Variants in IRAK1BP1 observed in about 807,000 individuals in gnomAD.
IRAK1BP1 encodes the protein interleukin 1 receptor associated kinase 1 binding protein 1.
A neutral mutation model predicts 28.0 loss-of-function variants in IRAK1BP1; 24 were observed. The observed-to-expected ratio is 0.86, with a 90% confidence interval of 0.62 to 1.20. The LOEUF (loss-of-function observed/expected upper bound fraction) is 1.20. IRAK1BP1 is among the 50% of genes most tolerant of loss of function. The pLI is 0.00. For missense variants in IRAK1BP1, 336 were observed against 316.7 expected, an observed-to-expected ratio of 1.06 and a Z score of -0.46; for synonymous variants, 131 against 116.3, an observed-to-expected ratio of 1.13 and a Z score of -0.81.
downstream of IRAK1BP1, among the ~76,000 whole-genome samples, chr6:78,903,991 T>C (rs1312818679): frequency 1.3e-5 from 2 of 152,180 alleles, no homozygotes; most frequent in African/African-American, 4.8e-5. Context: ...ACAGTTTTTT[T>C]CCCAAGGTTT....
At chr6:78,890,514 C>T (rs1771609875) in intron 2 of IRAK1BP1, among the ~76,000 whole-genome samples, 1 of 151,872 alleles carries the variant, frequency 6.6e-6, no homozygotes, top group African/African-American at 2.4e-5. Flanking sequence ...TTTGAATTTC[C>T]ATATTCAGTG....
chr6:78,891,744 G>T (rs1278332734), intron 2 of IRAK1BP1, among the ~76,000 whole-genome samples: 2 of 152,184 alleles, frequency 1.3e-5, no homozygotes, highest in Admixed American at 6.5e-5. Context: ...TTACAGGCGT[G>T]AGCCACCGTG....
chr6:78,941,393 T>A, intron 4 of IRAK1BP1: 1 of 1,159,300 alleles, frequency 8.6e-7, no homozygotes, highest in South Asian at 1.5e-5. Context: ...CTCTCAAACT[T>A]GTCAGTAAGG....
intron 1 of IRAK1BP1, among the ~76,000 whole-genome samples, chr6:78,876,024 G>C (rs72901180): frequency 6.6e-6 from 1 of 152,034 alleles, no homozygotes; most frequent in Non-Finnish European, 1.5e-5. Context: ...ATCATGATTT[G>C]TGCTTCCCTA....
At chr6:78,963,287 G>T in the IRAK1BP1 span, 1 of 1,544,690 alleles carries the variant, frequency 6.5e-7, no homozygotes, top group Non-Finnish European at 8.8e-7. Context: ...CAAATACATG[G>T]TAACTTATTA....
At chr6:78,872,714 T>C (rs757787952) in intron 1 of IRAK1BP1, among the ~76,000 whole-genome samples, 12 of 152,172 alleles carry the variant, frequency 7.9e-5, no homozygotes, top group Non-Finnish European at 1.6e-4. Context: ...AATTCCTGGA[T>C]TATGTATATT....
intron 4 of IRAK1BP1, among the ~76,000 whole-genome samples, chr6:78,928,559 T>C (rs1772954114): frequency 6.6e-6 from 1 of 152,196 alleles, no homozygotes; most frequent in African/African-American, 2.4e-5. Context: ...AGTACTATGT[T>C]GAATAGCAAT....
At chr6:78,906,121 A>G (rs1772255099), downstream of IRAK1BP1, among the ~76,000 whole-genome samples, 1 of 152,248 alleles carries the variant, frequency 6.6e-6, no homozygotes, top group African/African-American at 2.4e-5. Context: ...AAATTAATAA[A>G]ATACATGAGA....
the IRAK1BP1 span, among the ~76,000 whole-genome samples, chr6:78,965,136 A>G: frequency 6.6e-6 from 1 of 152,154 alleles, no homozygotes; most frequent in African/African-American, 2.4e-5. Flanking sequence ...TTACAACTAT[A>G]TCTTCATTGA....
At chr6:78,933,393 G>A (rs945537747) in intron 4 of IRAK1BP1, among the ~76,000 whole-genome samples, 5 of 152,278 alleles carry the variant, frequency 3.3e-5, no homozygotes, top group Middle Eastern at 3.4e-3. Flanking sequence ...TGAGGCGGGC[G>A]GATCACGAGG....
rs1365962692 is a variant in IRAK1BP1 at position 78,898,848 on chromosome 6, C to T, written c.*514C>T. 2 of 152,042 alleles carry T rather than the reference C, an allele frequency of 1.3e-5. No individual in the cohort carries two copies. Among genetic ancestry groups the T allele is most frequent in the Non-Finnish European group, 2.9e-5 (2 of 68,002 alleles). The allele number at this position is 152,042 out of a possible 1,614,324, so 9.4% of individuals were successfully genotyped here. A position where few individuals can be genotyped will look rare whatever the true frequency, so the allele number is the denominator to read the frequency against. ...CCACAACTAAAAATGAGTATAAATA[C>T]ATAATTTTAAGTGCATCCTGTCAGG... On this transcript the variant is annotated 3_prime_UTR_variant, in exon 4 of 4. Transcript: ENST00000369940.
At chr6:78,929,967 C>T (rs941270024) in intron 4 of IRAK1BP1, among the ~76,000 whole-genome samples, 2 of 152,126 alleles carry the variant, frequency 1.3e-5, no homozygotes, top group East Asian at 3.9e-4. Flanking sequence ...GACAGGCTCT[C>T]CCTCTGTCAC....
intron 4 of IRAK1BP1, among the ~76,000 whole-genome samples, chr6:78,929,141 C>T (rs1772975533): frequency 6.6e-6 from 1 of 152,072 alleles, no homozygotes; most frequent in Admixed American, 6.6e-5. Context: ...CATCAGGTGT[C>T]AGGCTTTTTT....
At chr6:78,934,166 G>A (rs1330881778) in intron 4 of IRAK1BP1, among the ~76,000 whole-genome samples, 1 of 152,174 alleles carries the variant, frequency 6.6e-6, no homozygotes, top group African/African-American at 2.4e-5. Flanking sequence ...AGAACACACA[G>A]AACATGTATT....
intron 4 of IRAK1BP1, among the ~76,000 whole-genome samples, chr6:78,923,867 C>A (rs564028709): frequency 6.6e-6 from 1 of 152,104 alleles, no homozygotes; most frequent in Admixed American, 6.5e-5. Flanking sequence ...TCTTTGAAAC[C>A]AACGAGAACA....
chr6:78,890,890 G>T (rs1357946793), intron 2 of IRAK1BP1, among the ~76,000 whole-genome samples: 2 of 152,098 alleles, frequency 1.3e-5, no homozygotes, highest in African/African-American at 4.8e-5. Flanking sequence ...AATGCCCTCT[G>T]AAAGATGTTA....
At chr6:78,946,792 C>T (rs370592424), downstream of IRAK1BP1, 15 of 1,590,104 alleles carry the variant, frequency 9.4e-6, no homozygotes, top group East Asian at 2.3e-5. Context: ...TTTATGAAAA[C>T]GAAGAGCAGA....
chr6:78,919,400 C>A (rs543580785), intron 4 of IRAK1BP1, among the ~76,000 whole-genome samples: 3 of 152,058 alleles, frequency 2.0e-5, no homozygotes, highest in South Asian at 2.1e-4. Context: ...CAATGAGACC[C>A]AAAGCTGGCT....
the IRAK1BP1 span, chr6:78,970,729 A>G: frequency 8.4e-7 from 1 of 1,192,606 alleles, no homozygotes; most frequent in East Asian, 2.3e-5. Context: ...AATTTTCTCC[A>G]AATTCCATAA....
Sources: allele counts gnomAD v4.1 joint callset (sites outside exome capture counted in the v4.1 genomes callset), GRCh38; gene constraint gnomAD v4.1.1; transcripts MANE v1.5; gene names NCBI Gene and HGNC (gene_info 2026-07-23, HGNC 2026-07-21).